Variants in TRAPPC12 observed in about 807,000 individuals in gnomAD.
TRAPPC12 encodes the protein trafficking protein particle complex subunit 12.
Under a neutral mutation model 69.2 loss-of-function variants are expected in TRAPPC12, and 61 were observed. The ratio of observed to expected loss-of-function variants is 0.88; its 90% CI spans 0.72 to 1.09. The LOEUF (loss-of-function observed/expected upper bound fraction) is 1.09, where lower values mean the gene tolerates loss of function less well. TRAPPC12 is among the 50% of genes least tolerant of loss of function. TRAPPC12 has a pLI of 0.00. For synonymous variants in TRAPPC12, 469 were observed against 438.9 expected (o/e 1.07, Z -0.86); for missense variants, 1,101 against 1,016.4 (o/e 1.08, Z -1.13).
At chr2:3,452,702 G>A (rs1008340176) in intron 6 of TRAPPC12, among the ~76,000 whole-genome samples, 12 of 152,320 alleles carry the variant, frequency 7.9e-5, no homozygotes, top group South Asian at 2.1e-4. Flanking sequence ...GCTCCTGGAC[G>A]TTTCAAAGAC....
At chr2:3,454,764 C>CG (rs2103126578) in intron 6 of TRAPPC12, 1 of 152,546 alleles carries the variant, frequency 6.6e-6, no homozygotes, top group South Asian at 2.1e-4. Flanking sequence ...CCACAGGGAA[C>CG]GTCAGCCCCA....
Position 3,479,423 on chromosome 2 carries a change from G to A in TRAPPC12, c.2170G>A (p.Gly724Arg). The A allele has an allele frequency of 6.2e-7, 1 of 1,614,082 alleles. No homozygotes were observed. The highest frequency in any genetic ancestry group is 8.5e-7 in the Non-Finnish European group (1 of 1,180,050). The change falls in exon 12 of 12, where the codon GGG becomes AGG. Residue 724 changes from glycine (G) to arginine (R), a missense_variant. Gly to Arg is a moderately radical substitution (Grantham distance 125, BLOSUM62 -2). Transcript: ENST00000324266. ...GCTGGAGGCTGTCGCCGGCAAGGAG[G>A]GGGACAGCTTCAACACACAGTGCCT... Reference protein sequence around the residue: ...ALLEAVAGKEGDSFNTQCLKL... With the variant: ...ALLEAVAGKERDSFNTQCLKL...
chr2:3,448,451 T>C (rs1179618546), intron 6 of TRAPPC12, among the ~76,000 whole-genome samples: 1 of 152,204 alleles, frequency 6.6e-6, no homozygotes, highest in Non-Finnish European at 1.5e-5. Flanking sequence ...AAAATTGCTC[T>C]CAGTAGATTC....
intron 6 of TRAPPC12, chr2:3,456,931 T>C: frequency 2.8e-6 from 1 of 352,310 alleles, no homozygotes; most frequent in South Asian, 2.1e-5. Flanking sequence ...ATATTCCCCA[T>C]GTATGATGTC....
chr2:3,466,381 G>GCACC (rs1665811101), intron 9 of TRAPPC12: 2 of 471,102 alleles, frequency 4.2e-6, no homozygotes, highest in Non-Finnish European at 8.8e-6. Flanking sequence ...CCTTCCACAG[G>GCACC]CACCCACTCA....
chr2:3,463,778 TAAC>T (rs1282660872), intron 8 of TRAPPC12, among the ~76,000 whole-genome samples: 2 of 151,916 alleles, frequency 1.3e-5, no homozygotes, highest in Non-Finnish European at 2.9e-5. Flanking sequence ...GCCGGGCTGA[TAAC>T]AAGAAAGTCA....
rs574094037 is a variant in TRAPPC12, at chr2:3,474,374, T to C, written c.1777-3321T>C. ...GCTGTGATGGCAGCTGAAGAGATGG[T>C]GCCTACCCAGATTAAGGGCGGGTCG... is the stretch of plus-strand genomic sequence containing the variant. On this transcript the variant is annotated intron_variant, in intron 9 of 11. Transcript: ENST00000324266. Among the ~76,000 whole-genome samples, 4 of 152,322 alleles carry C rather than the reference T, an allele frequency of 2.6e-5. No homozygotes were observed. In the South Asian group the frequency reaches 6.2e-4, roughly 24 times the overall value.
intron 6 of TRAPPC12, among the ~76,000 whole-genome samples, chr2:3,447,811 G>C (rs780185700): frequency 6.6e-6 from 1 of 152,242 alleles, no homozygotes; most frequent in Non-Finnish European, 1.5e-5. Flanking sequence ...GGTGAGTAAA[G>C]AGAGAGGTCA....
intron 3 of TRAPPC12, among the ~76,000 whole-genome samples, chr2:3,415,694 G>A (rs988971098): frequency 2.9e-4 from 42 of 146,110 alleles, no homozygotes; most frequent in African/African-American, 9.5e-4. Flanking sequence ...GTGAGCCATC[G>A]TGCCTGGCCT....
rs752393610 is a variant in TRAPPC12 at position 3,387,678 on chromosome 2, C to G, written c.55C>G (p.Pro19Ala). ...ETPAPEAPHP[P>A]QLAPPEEQGL... Reference sequence around the variant, plus strand: ...CCCGGCCCCGGAGGCCCCGCACCCCCCTCAGCTCGCGCCTCCGGAGGAGCA... The same window carrying G: ...CCCGGCCCCGGAGGCCCCGCACCCCGCTCAGCTCGCGCCTCCGGAGGAGCA... Residue 19 changes from proline to alanine, a missense_variant, in exon 2 of 12, where the codon CCT becomes GCT. Transcript: ENST00000324266. 6 of 1,558,548 alleles carry G rather than the reference C, an allele frequency of 3.8e-6. No individual in the cohort carries two copies. In the African/African-American group the frequency reaches 4.1e-5, roughly 11 times the overall value.
chr2:3,391,690 G>A (rs1660830097), intron 2 of TRAPPC12, among the ~76,000 whole-genome samples: 1 of 152,092 alleles, frequency 6.6e-6, no homozygotes, highest in African/African-American at 2.4e-5. Context: ...ACCAATTCCG[G>A]ACTCTGATGT....
intron 6 of TRAPPC12, among the ~76,000 whole-genome samples, chr2:3,451,330 C>G (rs570919199): frequency 1.3e-5 from 2 of 152,262 alleles, no homozygotes; most frequent in African/African-American, 2.4e-5. Flanking sequence ...TGGCAGCAGC[C>G]CCTCCACACT....
intron 6 of TRAPPC12, among the ~76,000 whole-genome samples, chr2:3,453,373 C>T (rs1006773280): frequency 3.3e-5 from 5 of 152,318 alleles, no homozygotes; most frequent in African/African-American, 9.6e-5. Flanking sequence ...CTCCAACACC[C>T]GGCCCTTTCT....
At chr2:3,418,414 G>A (rs1248002580) in intron 3 of TRAPPC12, among the ~76,000 whole-genome samples, 2 of 152,122 alleles carry the variant, frequency 1.3e-5, no homozygotes, top group Non-Finnish European at 2.9e-5. Context: ...AGCCACTCGC[G>A]GGCTGAAGTC....
At chr2:3,392,798 G>A (rs1660896212) in intron 2 of TRAPPC12, among the ~76,000 whole-genome samples, 2 of 152,218 alleles carry the variant, frequency 1.3e-5, no homozygotes, top group Non-Finnish European at 2.9e-5. Flanking sequence ...TAAAAATGGA[G>A]CTACCATATG....
In TRAPPC12 at chr2:3,458,036, G is replaced by A. The variant is rs112272058; in HGVS notation, c.1603+343G>A. ...AGGGGCCCAGAGGGGCCTCTGCGTC[G>A]GGGAGAGAGGCCTCTGCGTCGGGGA... On this transcript the variant is annotated intron_variant, in intron 7 of 11. Coordinates refer to ENST00000324266, the MANE Select transcript of TRAPPC12 (RefSeq NM_016030.6). 6,409 of 1,115,764 alleles carry A rather than the reference G, an allele frequency of 5.7e-3. 286 individuals carry two copies. In the African/African-American group the frequency reaches 0.094, roughly 16 times the overall value. 69.1% of individuals were successfully genotyped at this position (1,115,764 alleles called of 1,614,324 possible). A position where few individuals can be genotyped will look rare whatever the true frequency, so the allele number is the denominator to read the frequency against.
At chr2:3,419,642 C>CAAGA (rs1553316460) in intron 3 of TRAPPC12, among the ~76,000 whole-genome samples, 1 of 111,320 alleles carries the variant, frequency 9.0e-6, no homozygotes, top group Non-Finnish European at 2.0e-5. Flanking sequence ...TCCTCATTTC[C>CAAGA]AAAAAAAAAA....
intron 5 of TRAPPC12, among the ~76,000 whole-genome samples, chr2:3,435,647 T>C (rs1010795006): frequency 6.6e-6 from 1 of 152,060 alleles, no homozygotes; most frequent in Non-Finnish European, 1.5e-5. Context: ...CAGCGCAGAG[T>C]CCACGAGTAC....
intron 2 of TRAPPC12, among the ~76,000 whole-genome samples, chr2:3,396,239 G>T (rs1278049760): frequency 1.4e-5 from 2 of 147,214 alleles, no homozygotes; most frequent in Non-Finnish European, 3.0e-5. Context: ...AGGTTGACAG[G>T]TTTTTTTTTT....
Sources: allele counts gnomAD v4.1 joint callset (sites outside exome capture counted in the v4.1 genomes callset), GRCh38; gene constraint gnomAD v4.1.1; transcripts MANE v1.5; gene names NCBI Gene and HGNC (gene_info 2026-07-23, HGNC 2026-07-21).